Variants in ABR observed in about 807,000 individuals in gnomAD.
The protein encoded by ABR is active breakpoint cluster region-related protein.
A neutral mutation model predicts 107.2 loss-of-function variants in ABR; 35 were observed. The observed-to-expected ratio is 0.33, with a 90% CI of 0.25 to 0.43. The LOEUF (loss-of-function observed/expected upper bound fraction) is 0.43, where lower values mean the gene tolerates loss of function less well. Ranked by LOEUF, ABR falls within the 20% of genes least tolerant of loss-of-function variation. The pLI is 1.00. For synonymous variants in ABR, 498 were observed against 462.0 expected, an observed-to-expected ratio of 1.08 and a Z score of -1.00; for missense variants, 815 against 1,115.2, an observed-to-expected ratio of 0.73 and a Z score of 3.83.
chr17:1,145,169 C>T (rs930699667), intron 1 of ABR, among the ~76,000 whole-genome samples: 16 of 152,188 alleles, frequency 1.1e-4, no homozygotes, highest in Non-Finnish European at 1.5e-4. Context: ...TTATTTGTGG[C>T]GCCCAGGACA....
At chr17:1,025,169 A>G (rs1236997207) in intron 16 of ABR, among the ~76,000 whole-genome samples, 2 of 135,622 alleles carry the variant, frequency 1.5e-5, no homozygotes, top group African/African-American at 2.8e-5. Context: ...GGTGGCGGGC[A>G]CCTGTAATCC....
chr17:1,158,087 G>A (rs893456780), intron 1 of ABR, among the ~76,000 whole-genome samples: 4 of 152,090 alleles, frequency 2.6e-5, no homozygotes, highest in Non-Finnish European at 5.9e-5. Context: ...TGAGTAAGCC[G>A]CCATTTATTC....
intron 2 of ABR, among the ~76,000 whole-genome samples, chr17:1,124,728 G>A (rs765844681): frequency 7.9e-5 from 12 of 152,230 alleles, no homozygotes; most frequent in Admixed American, 2.0e-4. Flanking sequence ...GGGCTGGAGC[G>A]GGCAGCTCAT....
intron 21 of ABR, among the ~76,000 whole-genome samples, chr17:1,008,744 T>C (rs2070271787): frequency 1.3e-5 from 2 of 152,154 alleles, no homozygotes. Context: ...GAAGAATTGT[T>C]CCGCAGAGCA....
At chr17:1,021,575 G>A (rs2071642650) in intron 16 of ABR, among the ~76,000 whole-genome samples, 1 of 152,194 alleles carries the variant, frequency 6.6e-6, no homozygotes, top group South Asian at 2.1e-4. Context: ...GGAGGCCGAG[G>A]CGGGCGGATC....
At chr17:1,012,025 C>T (rs537004612) in intron 18 of ABR, 40 bp from the exon 19 acceptor site, 189 of 1,608,360 alleles carry the variant, frequency 1.2e-4, no homozygotes, top group South Asian at 3.6e-4. Context: ...GCAGCCCCCA[C>T]GACAGCTCTC....
At chr17:1,183,977 G>A (rs577434902), upstream of ABR, among the ~76,000 whole-genome samples, 7 of 152,252 alleles carry the variant, frequency 4.6e-5, no homozygotes, top group East Asian at 3.9e-4. Context: ...TTGGGAGGCC[G>A]AGATGGGCAG....
chr17:1,016,252 G>A (rs1022548227), intron 16 of ABR, among the ~76,000 whole-genome samples: 18 of 151,744 alleles, frequency 1.2e-4, no homozygotes, highest in Admixed American at 6.6e-4. Context: ...GATACCACCT[G>A]ACTTTTGAAA....
chr17:1,115,611 T>C (rs2038947165), intron 2 of ABR, among the ~76,000 whole-genome samples: 1 of 152,240 alleles, frequency 6.6e-6, no homozygotes, highest in African/African-American at 2.4e-5. Flanking sequence ...TCCAAAATCA[T>C]ATACATAGTT....
chr17:1,097,948 G>A (rs969556891), intron 3 of ABR, among the ~76,000 whole-genome samples: 10 of 152,164 alleles, frequency 6.6e-5, no homozygotes, highest in African/African-American at 2.4e-4. Flanking sequence ...GGTCCCGAAA[G>A]CATCTCCCGA....
At chr17:1,122,669 G>T (rs2039403592) in intron 2 of ABR, among the ~76,000 whole-genome samples, 1 of 152,186 alleles carries the variant, frequency 6.6e-6, no homozygotes, top group African/African-American at 2.4e-5. Context: ...GCTGTCCTGG[G>T]TCTCCAGCTA....
rs2037040564 is a variant in ABR at position 1,091,664 on chromosome 17, C to T, written c.531+1G>A. 6.2e-7 allele frequency: 1 copy of T among 1,612,208 alleles called. No individual in the cohort carries two copies. The highest frequency in any genetic ancestry group is 8.5e-7 in the Non-Finnish European group (1 of 1,178,842). On this transcript the variant is annotated splice_donor_variant, in intron 4 of 22. Coordinates refer to ENST00000302538, the MANE Select transcript of ABR (RefSeq NM_021962.5). LOFTEE classifies it high-confidence loss of function. ...GGACCCTCCATCCCTGGCAGACTCA[C>T]CAGCTTCTGGAAGAGGTGGCCCATG...
In ABR at chr17:1,089,497, C is replaced by T. The variant is rs376631961; in HGVS notation, c.531+2168G>A. 3.9e-4 allele frequency among the ~76,000 whole-genome samples: 60 copies of T among 152,340 alleles called. 1 individual carries two copies. The East Asian group carries it at 0.01, about 26-fold the overall frequency. On this transcript the variant is annotated intron_variant, in intron 4 of 22. Coordinates refer to ENST00000302538, the MANE Select transcript of ABR (RefSeq NM_021962.5). ...TGGGATTCAAGCCCACTTTGTGACA[C>T]GGCTCTAGAAGCTGTGCTGGAGAAA... is the stretch of plus-strand genomic sequence containing the variant.
chr17:1,087,078 G>A (rs761238666), intron 4 of ABR, among the ~76,000 whole-genome samples: 1 of 152,184 alleles, frequency 6.6e-6, no homozygotes, highest in Non-Finnish European at 1.5e-5. Context: ...CCACCTTCAT[G>A]TGTGACGCTG....
rs186993434 is a variant in ABR at position 1,020,145 on chromosome 17, G to A, written c.1792-6981C>T. Among the ~76,000 whole-genome samples, 152 of 152,104 alleles carry A rather than the reference G, an allele frequency of 1.0e-3. 1 individual carries two copies. The East Asian group carries it at 0.014, about 14-fold the overall frequency. On this transcript the variant is annotated intron_variant, in intron 16 of 22. Coordinates refer to ENST00000302538, the MANE Select transcript of ABR (RefSeq NM_021962.5). ...GTCGCCCAGGCTGGAGTGCAGTGGC[G>A]CGATCTCAGCTCACTGCAACCTCCA... is the stretch of plus-strand genomic sequence containing the variant.
chr17:1,144,629 C>G (rs1867256), intron 1 of ABR, among the ~76,000 whole-genome samples: 2 of 150,850 alleles, frequency 1.3e-5, no homozygotes, highest in South Asian at 2.1e-4. Flanking sequence ...CAGTGGCTCA[C>G]GCCTGCAATC....
chr17:1,055,867 G>C (rs2033210476), intron 14 of ABR, 168 bp downstream of exon 14: 1 of 615,486 alleles, frequency 1.6e-6, no homozygotes, highest in African/African-American at 1.8e-5. Flanking sequence ...TGAGAAAGAG[G>C]ACTTTGGAGA....
chr17:1,137,324 G>A (rs553249405), intron 1 of ABR, among the ~76,000 whole-genome samples: 2 of 152,300 alleles, frequency 1.3e-5, no homozygotes, highest in Admixed American at 6.5e-5. Flanking sequence ...TTACAGGCGT[G>A]AGCCACCGAG....
intron 1 of ABR, among the ~76,000 whole-genome samples, chr17:1,193,794 G>A (rs1038710842): frequency 1.3e-5 from 2 of 151,950 alleles, no homozygotes; most frequent in Non-Finnish European, 2.9e-5. Context: ...AGGTTGAAGC[G>A]ATTCACCTGC....
Sources: allele counts gnomAD v4.1 joint callset (sites outside exome capture counted in the v4.1 genomes callset), GRCh38; gene constraint gnomAD v4.1.1; transcripts MANE v1.5; gene names NCBI Gene and HGNC (gene_info 2026-07-23, HGNC 2026-07-21).